Variants in MAD1L1 observed in about 807,000 individuals in gnomAD.
MAD1L1 encodes the protein mitotic arrest deficient 1 like 1, also known as mitotic spindle assembly checkpoint protein MAD1.
A neutral mutation model predicts 96.9 loss-of-function variants in MAD1L1; 95 were observed. That is an observed-to-expected ratio of 0.98 (90% CI 0.83 to 1.16). The LOEUF is 1.16. MAD1L1 is among the 50% of genes most tolerant of loss of function. MAD1L1 has a pLI of 0.00. For missense variants in MAD1L1, 1,007 were observed against 954.4 expected (o/e 1.06, Z -0.73); for synonymous variants, 473 against 396.6 (o/e 1.19, Z -2.29).
intron 13 of MAD1L1, 74 bp from the exon 14 acceptor site, chr7:2,002,195 ACCC>A: frequency 7.2e-7 from 1 of 1,380,600 alleles, no homozygotes; most frequent in South Asian, 1.2e-5. Flanking sequence ...AGGGAACACA[ACCC>A]CCACCACCCC....
At chr7:1,986,076 T>G (rs939993453) in intron 14 of MAD1L1, among the ~76,000 whole-genome samples, 9 of 152,120 alleles carry the variant, frequency 5.9e-5, no homozygotes, top group Non-Finnish European at 1.3e-4. Flanking sequence ...GAAGATGAGT[T>G]TTATTGAATC....
intron 15 of MAD1L1, among the ~76,000 whole-genome samples, chr7:1,972,729 T>C (rs886570209): frequency 6.6e-6 from 1 of 152,192 alleles, no homozygotes. Flanking sequence ...TCCACTCTCC[T>C]TTCTCCAGGT....
intron 16 of MAD1L1, among the ~76,000 whole-genome samples, chr7:1,954,350 A>AC (rs1344119456): frequency 1.3e-5 from 2 of 151,920 alleles, no homozygotes; most frequent in Non-Finnish European, 1.5e-5. Context: ...GCTGTGGCCC[A>AC]CCCCAGGCTG....
chr7:1,918,873 T>TCC (rs1288773232), intron 17 of MAD1L1, among the ~76,000 whole-genome samples: 34 of 65,116 alleles, frequency 5.2e-4, no homozygotes, highest in Non-Finnish European at 1.1e-3. Context: ...CCAGCCCCCC[T>TCC]CCCCTCCCCT....
chr7:2,139,945 C>A (rs764139243), intron 11 of MAD1L1, among the ~76,000 whole-genome samples: 11 of 152,038 alleles, frequency 7.2e-5, no homozygotes, highest in Non-Finnish European at 1.0e-4. Context: ...TCTTTCCCCC[C>A]ACAGGCCTCA....
chr7:2,204,681 C>T (rs1052988966), intron 10 of MAD1L1, among the ~76,000 whole-genome samples: 7 of 152,268 alleles, frequency 4.6e-5, no homozygotes, highest in Non-Finnish European at 8.8e-5. Context: ...CCACGTATCC[C>T]TTCACCTGCT....
chr7:1,889,939 G>A (rs1786433601), intron 18 of MAD1L1, among the ~76,000 whole-genome samples: 1 of 152,228 alleles, frequency 6.6e-6, no homozygotes, highest in Non-Finnish European at 1.5e-5. Context: ...CTGGGCTCTG[G>A]GCCCCAGGCT....
chr7:1,986,327 CA>C, intron 14 of MAD1L1, among the ~76,000 whole-genome samples: 1 of 29,820 alleles, frequency 3.4e-5, no homozygotes, highest in Non-Finnish European at 8.4e-5. Context: ...AGCTTGGAAC[CA>C]CACGCCAGTC....
At chr7:2,101,505 G>A (rs1786778922) in intron 11 of MAD1L1, among the ~76,000 whole-genome samples, 1 of 135,648 alleles carries the variant, frequency 7.4e-6, no homozygotes, top group African/African-American at 2.8e-5. Flanking sequence ...CCAGGTGGGT[G>A]GCATGAGACT....
intron 13 of MAD1L1, among the ~76,000 whole-genome samples, chr7:2,004,049 A>C (rs2128493516): frequency 6.6e-6 from 1 of 152,278 alleles, no homozygotes; most frequent in South Asian, 2.1e-4. Flanking sequence ...CGGGGCATCC[A>C]GGGCACCCCA....
intron 10 of MAD1L1, among the ~76,000 whole-genome samples, chr7:2,194,532 G>A (rs896613019): frequency 2.6e-5 from 4 of 152,274 alleles, no homozygotes; most frequent in Non-Finnish European, 2.9e-5. Context: ...CAGACAAGCC[G>A]TGAGGGCTAA....
intron 11 of MAD1L1, among the ~76,000 whole-genome samples, chr7:2,082,024 A>T (rs1443745969): frequency 1.3e-5 from 2 of 152,212 alleles, no homozygotes; most frequent in Non-Finnish European, 1.5e-5. Context: ...GAGACTCTGA[A>T]GTCTGGCCAC....
intron 17 of MAD1L1, among the ~76,000 whole-genome samples, chr7:1,906,111 C>G (rs564709583): frequency 2.0e-5 from 3 of 151,606 alleles, no homozygotes; most frequent in Admixed American, 6.6e-5. Flanking sequence ...CCCGCAGGCA[C>G]CAGGCAGCAC....
At chr7:1,970,705 G>A (rs1007116576) in intron 15 of MAD1L1, among the ~76,000 whole-genome samples, 1 of 152,194 alleles carries the variant, frequency 6.6e-6, no homozygotes, top group Non-Finnish European at 1.5e-5. Flanking sequence ...TGTGGTGGCT[G>A]CATGCTTGTG....
chr7:1,978,910 G>A (rs1021269215), intron 15 of MAD1L1, among the ~76,000 whole-genome samples: 20 of 152,310 alleles, frequency 1.3e-4, no homozygotes, highest in South Asian at 4.1e-4. Flanking sequence ...AAATGAAACC[G>A]CTCAGACTCC....
chr7:2,111,841 T>C (rs1787399672), intron 11 of MAD1L1, among the ~76,000 whole-genome samples: 1 of 152,146 alleles, frequency 6.6e-6, no homozygotes, highest in Admixed American at 6.6e-5. Flanking sequence ...TGCTTCCCGC[T>C]GTGGAGACCC....
intron 18 of MAD1L1, among the ~76,000 whole-genome samples, chr7:1,828,202 G>A (rs1012821493): frequency 1.3e-5 from 2 of 152,256 alleles, no homozygotes; most frequent in South Asian, 2.1e-4. Flanking sequence ...ATCTGAAACA[G>A]CCAGAATATG....
intron 13 of MAD1L1, among the ~76,000 whole-genome samples, chr7:2,008,703 G>A (rs1782147357): frequency 6.6e-6 from 1 of 152,000 alleles, no homozygotes; most frequent in African/African-American, 2.4e-5. Context: ...CAGACACACA[G>A]GAAGCTCAGG....
chr7:1,882,838 G>C (rs917743725), intron 18 of MAD1L1, among the ~76,000 whole-genome samples: 2 of 152,230 alleles, frequency 1.3e-5, no homozygotes, highest in African/African-American at 4.8e-5. Flanking sequence ...GCTGAGGTGA[G>C]AAGGCACTGG....
Sources: gnomAD v4.1 joint callset for allele counts (sites outside exome capture counted in the v4.1 genomes callset) on GRCh38, gnomAD v4.1.1 for gene constraint, MANE v1.5 for transcripts, NCBI Gene and HGNC (gene_info 2026-07-23, HGNC 2026-07-21) for gene names.